Variants in AP3S1 observed in about 807,000 individuals in gnomAD.
AP3S1 encodes the protein AP-3 complex subunit sigma-1.
AP3S1 carries 12 observed loss-of-function variants against 21.3 expected under a neutral mutation model. That is an observed-to-expected ratio of 0.56 (90% CI 0.36 to 0.91). AP3S1 has a LOEUF of 0.91. Ranked by LOEUF, AP3S1 falls within the 40% of genes least tolerant of loss-of-function variation. The probability of loss-of-function intolerance (pLI) is 0.01; values close to 1 mark genes in which losing one functional copy is unlikely to be tolerated. For missense variants in AP3S1, 116 were observed against 225.0 expected, an observed-to-expected ratio of 0.52 and a Z score of 3.10; for synonymous variants, 48 against 78.4, an observed-to-expected ratio of 0.61 and a Z score of 2.05.
chr5:115,866,189 G>A (rs1265580938), intron 1 of AP3S1, among the ~76,000 whole-genome samples: 2 of 152,204 alleles, frequency 1.3e-5, no homozygotes, highest in Admixed American at 1.3e-4. Flanking sequence ...CTTATATAAA[G>A]ATGAGTAAGA....
intron 3 of AP3S1, among the ~76,000 whole-genome samples, chr5:115,889,124 CT>C (rs1049488659): frequency 1.3e-5 from 2 of 151,986 alleles, no homozygotes; most frequent in Non-Finnish European, 2.9e-5. Flanking sequence ...CTATCACGAA[CT>C]TTTTTTTCTT....
chr5:115,863,605 T>TA (rs1031039466), intron 1 of AP3S1, among the ~76,000 whole-genome samples: 25 of 152,018 alleles, frequency 1.6e-4, no homozygotes, highest in African/African-American at 6.0e-4. Context: ...TTCATGAATC[T>TA]GTAGCTATAG....
chr5:115,912,717 G>A (rs2112604211), intron 5 of AP3S1, among the ~76,000 whole-genome samples: 1 of 152,110 alleles, frequency 6.6e-6, no homozygotes, highest in South Asian at 2.1e-4. Flanking sequence ...CAAAGGGTTG[G>A]AATGATCCTC....
chr5:115,881,696 C>T (rs934773251), intron 3 of AP3S1, among the ~76,000 whole-genome samples: 61 of 152,068 alleles, frequency 4.0e-4, no homozygotes, highest in African/African-American at 1.4e-3. Context: ...TTGCTTTTCT[C>T]GAGGAGTAAC....
chr5:115,903,080 G>A, intron 5 of AP3S1, 88 bp downstream of exon 5: 1 of 960,686 alleles, frequency 1.0e-6, no homozygotes, highest in South Asian at 1.4e-5. Context: ...TTGTCCTTCA[G>A]TATCACCCTT....
intron 1 of AP3S1, among the ~76,000 whole-genome samples, chr5:115,856,776 G>T (rs889266416): frequency 6.6e-6 from 1 of 152,136 alleles, no homozygotes; most frequent in Non-Finnish European, 1.5e-5. Flanking sequence ...ACCTAGCAAC[G>T]TATCTATAAT....
chr5:115,869,393 T>C (rs1748018681), intron 2 of AP3S1, among the ~76,000 whole-genome samples: 1 of 152,224 alleles, frequency 6.6e-6, no homozygotes. Flanking sequence ...TGGAGTTAAA[T>C]CTAGTAAGCA....
chr5:115,876,601 G>A (rs1015960325), intron 3 of AP3S1, among the ~76,000 whole-genome samples: 6 of 152,104 alleles, frequency 3.9e-5, no homozygotes, highest in African/African-American at 1.4e-4. Context: ...TTTGCCACTT[G>A]TCCCATTCAA....
intron 1 of AP3S1, among the ~76,000 whole-genome samples, chr5:115,860,947 TTGTGGATCC>T (rs1307753318): frequency 2.6e-5 from 4 of 152,170 alleles, no homozygotes; most frequent in Non-Finnish European, 4.4e-5. Context: ...ATATAAATGG[TTGTGGATCC>T]TGTCTTCTAG....
At chr5:115,909,827 C>T (rs912389934) in intron 5 of AP3S1, among the ~76,000 whole-genome samples, 3 of 152,146 alleles carry the variant, frequency 2.0e-5, no homozygotes, top group African/African-American at 7.2e-5. Context: ...ATGCCTGAAA[C>T]TGTGTATACT....
At chr5:115,876,573 T>C (rs761526497) in intron 3 of AP3S1, among the ~76,000 whole-genome samples, 4 of 152,224 alleles carry the variant, frequency 2.6e-5, no homozygotes, top group Non-Finnish European at 4.4e-5. Context: ...CTATATAATC[T>C]GTAGGCCTTG....
intron 2 of AP3S1, 75 bp from the exon 3 acceptor site, chr5:115,869,942 T>C: frequency 1.1e-5 from 10 of 894,640 alleles, no homozygotes; most frequent in Non-Finnish European, 1.7e-5. Context: ...TTTAAACAAA[T>C]TGTCAGTTTG....
At chr5:115,884,399 A>G (rs2112882009) in intron 3 of AP3S1, among the ~76,000 whole-genome samples, 1 of 152,336 alleles carries the variant, frequency 6.6e-6, no homozygotes, top group East Asian at 1.9e-4. Flanking sequence ...CCCCGTCTCT[A>G]CTAAAGATAC....
At chr5:115,877,027 T>A (rs1748782074) in intron 3 of AP3S1, among the ~76,000 whole-genome samples, 1 of 152,190 alleles carries the variant, frequency 6.6e-6, no homozygotes, top group African/African-American at 2.4e-5. Context: ...AATATACTTT[T>A]TCTAGTCATA....
intron 1 of AP3S1, among the ~76,000 whole-genome samples, chr5:115,852,050 A>G (rs1370305608): frequency 6.6e-6 from 1 of 152,144 alleles, no homozygotes; most frequent in Non-Finnish European, 1.5e-5. Flanking sequence ...TGTAAATAAT[A>G]ATGATTACTT....
chr5:115,891,970 C>T (rs1484629912), intron 3 of AP3S1, among the ~76,000 whole-genome samples: 1 of 152,104 alleles, frequency 6.6e-6, no homozygotes, highest in Non-Finnish European at 1.5e-5. Flanking sequence ...GACTTTCATG[C>T]ACCCTAATAA....
chr5:115,899,066 T>A (rs1750996374), intron 4 of AP3S1, among the ~76,000 whole-genome samples: 1 of 152,158 alleles, frequency 6.6e-6, no homozygotes, highest in South Asian at 2.1e-4. Flanking sequence ...TATACTCTAT[T>A]CTCCTCTCTG....
chr5:115,866,493 T>G (rs1763631174), intron 1 of AP3S1, among the ~76,000 whole-genome samples, 177 bp from the exon 2 acceptor site: 1 of 152,148 alleles, frequency 6.6e-6, no homozygotes, highest in African/African-American at 2.4e-5. Flanking sequence ...TTTTTTCTTT[T>G]TCATCAAAAA....
chr5:115,886,178 G>T (rs1332006899), intron 3 of AP3S1, among the ~76,000 whole-genome samples: 2 of 152,076 alleles, frequency 1.3e-5, no homozygotes, highest in Admixed American at 6.6e-5. Flanking sequence ...TACTGCAAAG[G>T]CTCAAATAAA....
Sources: gnomAD v4.1 joint callset for allele counts (sites outside exome capture counted in the v4.1 genomes callset) on GRCh38, gnomAD v4.1.1 for gene constraint, MANE v1.5 for transcripts, NCBI Gene and HGNC (gene_info 2026-07-23, HGNC 2026-07-21) for gene names.